Variants in NEGR1 observed in about 807,000 individuals in gnomAD.
NEGR1 encodes IgLON family member 4.
In NEGR1, 10 loss-of-function variants were observed where a neutral mutation model predicts 40.9. That is an observed-to-expected ratio of 0.24 (90% confidence interval 0.15 to 0.42). The LOEUF (loss-of-function observed/expected upper bound fraction) is 0.42. Among genes scored for constraint, NEGR1 ranks in the 10% least tolerant of loss-of-function variants. NEGR1 has a pLI of 1.00. For synonymous variants in NEGR1, 185 were observed against 166.8 expected, an observed-to-expected ratio of 1.11 and a Z score of -0.84; for missense variants, 352 against 438.9, an observed-to-expected ratio of 0.80 and a Z score of 1.77.
At chr1:72,007,277 G>T (rs1646616109) in intron 1 of NEGR1, among the ~76,000 whole-genome samples, 2 of 151,296 alleles carry the variant, frequency 1.3e-5, no homozygotes, top group East Asian at 3.9e-4. Context: ...CTAGTTTGAA[G>T]TTCTTTTTTG....
intron 2 of NEGR1, among the ~76,000 whole-genome samples, chr1:71,921,021 G>A (rs1036085274): frequency 3.3e-5 from 5 of 152,072 alleles, no homozygotes; most frequent in Non-Finnish European, 5.9e-5. Flanking sequence ...AGAAGCCCAA[G>A]GCTCACATAA....
chr1:71,576,404 T>C (rs1377862548), intron 6 of NEGR1, among the ~76,000 whole-genome samples: 2 of 152,174 alleles, frequency 1.3e-5, no homozygotes, highest in Admixed American at 6.5e-5. Flanking sequence ...CCAGAGATCA[T>C]CAGACAACAT....
rs200019678 is a variant in NEGR1 at position 71,921,893 on chromosome 1, A to G, written c.409+13186T>C. Among the ~76,000 whole-genome samples the G allele has an allele frequency of 1.1e-4, 16 of 152,046 alleles. No individual in the cohort carries two copies. The East Asian group carries it at 2.9e-3, about 28-fold the overall frequency. On this transcript the variant is annotated intron_variant, in intron 2 of 6. Transcript: ENST00000357731. ...GTTATGTGCAGATTTTTGACTGTGT[A>G]GGAGGTCAGTGTCCCTAACCCTCAT... is the stretch of plus-strand genomic sequence containing the variant.
At chr1:72,163,779 T>C (rs150182848) in intron 1 of NEGR1, among the ~76,000 whole-genome samples, 1,971 of 139,538 alleles carry the variant, frequency 0.014, 44 homozygotes, top group African/African-American at 0.049. Context: ...TTTAGATATG[T>C]TTAAGTTCTT....
chr1:71,606,954 T>C (rs2101537860), intron 5 of NEGR1, among the ~76,000 whole-genome samples: 1 of 152,334 alleles, frequency 6.6e-6, no homozygotes, highest in Admixed American at 6.5e-5. Context: ...TTTGTTTATG[T>C]TTATCTGTAT....
intron 1 of NEGR1, among the ~76,000 whole-genome samples, chr1:72,124,672 AACTATCTTATGT>A (rs1359803648): frequency 2.0e-5 from 3 of 152,064 alleles, no homozygotes; most frequent in Non-Finnish European, 2.9e-5. Context: ...TTAGGTTAAT[AACTATCTTATGT>A]ATGCTAGTGG....
At chr1:71,682,850 G>A (rs1275032189) in intron 4 of NEGR1, among the ~76,000 whole-genome samples, 3 of 152,076 alleles carry the variant, frequency 2.0e-5, no homozygotes, top group Non-Finnish European at 2.9e-5. Flanking sequence ...TTGTTCAAAA[G>A]AGCCTGGCAC....
At chr1:71,886,303 A>G (rs1015398499) in intron 2 of NEGR1, among the ~76,000 whole-genome samples, 2 of 152,188 alleles carry the variant, frequency 1.3e-5, no homozygotes, top group African/African-American at 4.8e-5. Flanking sequence ...TTTGCTATAG[A>G]AAGACTAATT....
chr1:71,756,449 A>C (rs2101693927), intron 3 of NEGR1, among the ~76,000 whole-genome samples: 1 of 151,902 alleles, frequency 6.6e-6, no homozygotes, highest in African/African-American at 2.4e-5. Flanking sequence ...TCAGGCCTCT[A>C]CTGAGTTAAA....
chr1:72,184,042 T>G (rs899346195), intron 1 of NEGR1, among the ~76,000 whole-genome samples: 3 of 152,122 alleles, frequency 2.0e-5, no homozygotes, highest in African/African-American at 7.2e-5. Flanking sequence ...CAGCCGTATA[T>G]AAGATGTTTC....
chr1:72,121,590 T>G (rs1649807834), intron 1 of NEGR1, among the ~76,000 whole-genome samples: 3 of 151,920 alleles, frequency 2.0e-5, no homozygotes, highest in Admixed American at 2.0e-4. Context: ...TAGACCCTCT[T>G]TTACCCTCTC....
At chr1:71,434,449 G>C (rs535896168) in intron 6 of NEGR1, among the ~76,000 whole-genome samples, 11 of 152,300 alleles carry the variant, frequency 7.2e-5, no homozygotes, top group South Asian at 4.2e-4. Context: ...TGGTGAGCTT[G>C]AGTGATGAGT....
At chr1:71,611,302 A>T (rs1035246330) in intron 4 of NEGR1, among the ~76,000 whole-genome samples, 156 bp from the exon 5 acceptor site, 1 of 152,210 alleles carries the variant, frequency 6.6e-6, no homozygotes, top group Non-Finnish European at 1.5e-5. Context: ...TGCTTCAAAT[A>T]CAAGACTAGT....
intron 6 of NEGR1, among the ~76,000 whole-genome samples, chr1:71,563,794 G>A (rs1005147395): frequency 1.3e-5 from 2 of 151,832 alleles, no homozygotes; most frequent in Non-Finnish European, 2.9e-5. Flanking sequence ...TGGAAGTGAT[G>A]GCTGAAAAAA....
At chr1:72,180,731 G>A (rs552299958) in intron 1 of NEGR1, among the ~76,000 whole-genome samples, 42 of 152,080 alleles carry the variant, frequency 2.8e-4, no homozygotes, top group African/African-American at 9.2e-4. Flanking sequence ...TAATCATGAC[G>A]GAAATACTAA....
chr1:72,022,070 G>A (rs1646762931), intron 1 of NEGR1, among the ~76,000 whole-genome samples: 1 of 151,890 alleles, frequency 6.6e-6, no homozygotes, highest in African/African-American at 2.4e-5. Context: ...GGGAGGCGGA[G>A]CTTGCAGTGA....
intron 1 of NEGR1, among the ~76,000 whole-genome samples, chr1:72,177,770 G>T (rs1370768995): frequency 3.9e-4 from 55 of 141,684 alleles, no homozygotes; most frequent in Admixed American, 2.7e-3. Flanking sequence ...TTTTGTTTTT[G>T]TTTTTTTTTT....
chr1:71,758,922 A>T (rs955019976), intron 3 of NEGR1, among the ~76,000 whole-genome samples: 1 of 152,194 alleles, frequency 6.6e-6, no homozygotes, highest in Non-Finnish European at 1.5e-5. Flanking sequence ...GGTGAGAGCA[A>T]TCAAATTATA....
intron 1 of NEGR1, among the ~76,000 whole-genome samples, chr1:72,217,040 T>G (rs1212480354): frequency 4.0e-5 from 6 of 151,714 alleles, no homozygotes; most frequent in Non-Finnish European, 8.8e-5. Flanking sequence ...AGGTTTCAAC[T>G]ATATCTTCTA....
Sources: gnomAD v4.1 joint callset for allele counts (sites outside exome capture counted in the v4.1 genomes callset) on GRCh38, gnomAD v4.1.1 for gene constraint, MANE v1.5 for transcripts, NCBI Gene and HGNC (gene_info 2026-07-23, HGNC 2026-07-21) for gene names.